SEMA4F: variants seen among roughly 807,000 people sequenced by gnomAD.
The protein encoded by SEMA4F is ssemaphorin 4F.
Under a neutral mutation model 78.4 loss-of-function variants are expected in SEMA4F, and 51 were observed. The ratio of observed to expected loss-of-function variants is 0.65; its 90% CI spans 0.52 to 0.82. SEMA4F has a LOEUF of 0.82. Ranked by LOEUF, SEMA4F falls within the 40% of genes least tolerant of loss-of-function variation. SEMA4F has a pLI of 0.00. For missense variants in SEMA4F, 938 were observed against 1,014.4 expected (o/e 0.92, Z 1.02); for synonymous variants, 418 against 408.7 (o/e 1.02, Z -0.27).
rs1348274970 is a variant in SEMA4F at position 74,680,404 on chromosome 2, T to C, written c.*195T>C. 1 of 568,104 alleles carries C rather than the reference T, an allele frequency of 1.8e-6. No homozygotes were observed. Among genetic ancestry groups the C allele is most frequent in the Non-Finnish European group, 2.9e-6 (1 of 342,908 alleles). The allele number at this position is 568,104 out of a possible 1,614,324, so 35.2% of individuals were successfully genotyped here. On this transcript the variant is annotated 3_prime_UTR_variant, in exon 14 of 14. Transcript: ENST00000357877. ...GCCAGACCTTTGCCTGATTCCTGATTCCCATGAGAAATCAGAACTGCTTTC... is the reference window on the plus strand; with the variant it reads ...GCCAGACCTTTGCCTGATTCCTGATCCCCATGAGAAATCAGAACTGCTTTC...
the SEMA4F span, among the ~76,000 whole-genome samples, chr2:74,689,554 A>T: frequency 6.6e-6 from 1 of 152,214 alleles, no homozygotes; most frequent in East Asian, 1.9e-4. Flanking sequence ...CATACTTCTA[A>T]AGATTTTTAT....
chr2:74,685,198 A>C (rs1413120802), downstream of SEMA4F, among the ~76,000 whole-genome samples: 1 of 152,196 alleles, frequency 6.6e-6, no homozygotes, highest in Admixed American at 6.5e-5. Context: ...TATTTTAAAA[A>C]ATACCTGGGT....
intron 5 of SEMA4F, among the ~76,000 whole-genome samples, chr2:74,672,666 A>ACCC (rs1351848989): frequency 2.0e-5 from 3 of 151,508 alleles, no homozygotes; most frequent in Non-Finnish European, 4.4e-5. Flanking sequence ...ACAGAGCTGA[A>ACCC]CCCCCCTTCC....
the SEMA4F span, among the ~76,000 whole-genome samples, chr2:74,702,231 CA>C: frequency 1.3e-5 from 2 of 152,138 alleles, no homozygotes; most frequent in South Asian, 4.1e-4. Flanking sequence ...AGACTATTGA[CA>C]ACTGTTTACA....
intron 6 of SEMA4F, 43 bp from the exon 7 acceptor site, chr2:74,673,634 C>T (rs1371207534): frequency 6.2e-7 from 1 of 1,612,952 alleles, no homozygotes; most frequent in South Asian, 1.1e-5. Context: ...CTGGGAAGTC[C>T]TAGGTTGTGT....
the SEMA4F span, among the ~76,000 whole-genome samples, chr2:74,703,152 T>C: frequency 5.2e-3 from 792 of 152,074 alleles, 10 homozygotes; most frequent in African/African-American, 0.018. Context: ...ATACTACGGG[T>C]TGGAGGAAAG....
chr2:74,673,844 A>G lies in SEMA4F; in HGVS notation c.822+16A>G, dbSNP rs777369272. ...TGTGTGTGCGGTGAGACCCCATCCC[A>G]GCTGTCTGTCTGTCATCTCCTGCTC... On this transcript the variant is annotated intron_variant, in intron 7 of 13. Coordinates refer to ENST00000357877, the MANE Select transcript of SEMA4F (RefSeq NM_004263.5). 1 of 1,608,290 alleles carries G rather than the reference A, an allele frequency of 6.2e-7. No individual in the cohort carries two copies. Among genetic ancestry groups the G allele is most frequent in the Non-Finnish European group, 8.5e-7 (1 of 1,176,608 alleles).
Position 74,681,523 on chromosome 2 carries a change from G to A in SEMA4F, c.*1314G>A, listed in dbSNP as rs1266119739. 1 of 152,712 alleles carries A rather than the reference G, an allele frequency of 6.5e-6. No homozygotes were observed. Among genetic ancestry groups the A allele is most frequent in the Admixed American group, 6.5e-5 (1 of 15,286 alleles). The allele number at this position is 152,712 out of a possible 1,614,324, so 9.5% of individuals were successfully genotyped here. A position where few individuals can be genotyped will look rare whatever the true frequency, so the allele number is the denominator to read the frequency against. On this transcript the variant is annotated 3_prime_UTR_variant, in exon 14 of 14. Coordinates refer to ENST00000357877, the MANE Select transcript of SEMA4F (RefSeq NM_004263.5). ...TACCACTGAGATGCCAAAGGTTGCT[G>A]GGTCTGGAAGACTGTTGTGGCCTCT...
the SEMA4F span, among the ~76,000 whole-genome samples, chr2:74,692,156 T>G: frequency 3.9e-5 from 6 of 152,144 alleles, no homozygotes; most frequent in Admixed American, 1.3e-4. Flanking sequence ...CCCAGAGGAA[T>G]TGAGACCTAG....
intron 3 of SEMA4F, 72 bp from the exon 4 acceptor site, chr2:74,657,781 C>A: frequency 1.4e-6 from 2 of 1,467,012 alleles, no homozygotes; most frequent in Non-Finnish European, 1.9e-6. Flanking sequence ...CTGCATCTAA[C>A]TGTCCTGACG....
chr2:74,685,382 T>A (rs1159371184), downstream of SEMA4F, among the ~76,000 whole-genome samples: 3 of 152,096 alleles, frequency 2.0e-5, 1 homozygote, highest in Admixed American at 2.0e-4. Flanking sequence ...ACCAGGATTA[T>A]TTTTCTTCCA....
At chr2:74,673,041 C>T (rs771842571) in intron 5 of SEMA4F, among the ~76,000 whole-genome samples, 1 of 152,126 alleles carries the variant, frequency 6.6e-6, no homozygotes, top group Admixed American at 6.6e-5. Context: ...AACATTCATT[C>T]CCTGAGACAT....
intron 12 of SEMA4F, among the ~76,000 whole-genome samples, chr2:74,678,800 G>A (rs1685422627): frequency 6.6e-6 from 1 of 152,148 alleles, no homozygotes; most frequent in Admixed American, 6.5e-5. Flanking sequence ...GTAGAGACAA[G>A]TAGCTTTTAG....
At chr2:74,661,574 G>T (rs1286246745) in intron 4 of SEMA4F, among the ~76,000 whole-genome samples, 1 of 152,144 alleles carries the variant, frequency 6.6e-6, no homozygotes, top group Non-Finnish European at 1.5e-5. Flanking sequence ...CTCAGGTGAG[G>T]ATGCTCCCAC....
At chr2:74,708,477 G>GTAA in the SEMA4F span, among the ~76,000 whole-genome samples, 1 of 152,244 alleles carries the variant, frequency 6.6e-6, no homozygotes, top group East Asian at 1.9e-4. Flanking sequence ...CTCACCAGCT[G>GTAA]TAATGAGACA....
intron 5 of SEMA4F, among the ~76,000 whole-genome samples, chr2:74,672,306 TCCCATA>T (rs1685026633): frequency 6.6e-6 from 1 of 152,072 alleles, no homozygotes; most frequent in Admixed American, 6.6e-5. Context: ...AATTTCTCAT[TCCCATA>T]CCCAGCTCAC....
At chr2:74,686,275 A>G (rs1394854351), downstream of SEMA4F, among the ~76,000 whole-genome samples, 1 of 151,944 alleles carries the variant, frequency 6.6e-6, no homozygotes, top group Non-Finnish European at 1.5e-5. Context: ...AATTTTTTGT[A>G]TTTTTAGTAG....
rs773978286 is a variant in SEMA4F, at chr2:74,673,493, TG to T, written c.591del (p.Thr198ArgfsTer25). 106 of 1,614,012 alleles carry T rather than the reference TG, an allele frequency of 6.6e-5. No homozygotes were observed. The highest frequency in any genetic ancestry group is 8.3e-5 in the Non-Finnish European group (98 of 1,180,028). ...VLYAATVKNY[L>X]GTEPIITRAV... Reference sequence around the variant, plus strand: ...TATGCTGCCACTGTGAAAAACTACCTGGGGACGGAGCCAATTATCACCAGAG... The same window carrying T: ...TATGCTGCCACTGTGAAAAACTACCTGGGACGGAGCCAATTATCACCAGAG... On this transcript the variant is annotated frameshift_variant, in exon 6 of 14. Coordinates refer to ENST00000357877, the MANE Select transcript of SEMA4F (RefSeq NM_004263.5). LOFTEE classifies it high-confidence loss of function.
chr2:74,673,921 C>A, intron 7 of SEMA4F, 93 bp downstream of exon 7: 1 of 1,375,936 alleles, frequency 7.3e-7, no homozygotes, highest in South Asian at 1.4e-5. Context: ...CTTTGAATCT[C>A]TCCTGTGTCT....
Sources: gnomAD v4.1 joint callset for allele counts (sites outside exome capture counted in the v4.1 genomes callset) on GRCh38, gnomAD v4.1.1 for gene constraint, MANE v1.5 for transcripts, NCBI Gene and HGNC (gene_info 2026-07-23, HGNC 2026-07-21) for gene names.